DAB1: variants seen among roughly 807,000 people sequenced by gnomAD.
The protein encoded by DAB1 is DAB adaptor protein 1.
A neutral mutation model predicts 64.6 loss-of-function variants in DAB1; 15 were observed. The observed-to-expected ratio is 0.23, with a 90% CI of 0.16 to 0.36. The LOEUF is 0.36. Among genes scored for constraint, DAB1 ranks in the 10% least tolerant of loss-of-function variants. The pLI, the probability that DAB1 is intolerant of heterozygous loss-of-function variation, is 1.00. For synonymous variants in DAB1, 235 were observed against 251.9 expected, an observed-to-expected ratio of 0.93 and a Z score of 0.64; for missense variants, 596 against 706.7, an observed-to-expected ratio of 0.84 and a Z score of 1.78.
chr1:57,085,216 C>G (rs1006436661), intron 4 of DAB1, among the ~76,000 whole-genome samples: 4 of 152,200 alleles, frequency 2.6e-5, no homozygotes, highest in Non-Finnish European at 5.9e-5. Context: ...GATGGCCAGT[C>G]TGATGCCAAG....
At chr1:58,228,907 G>A (rs1159938008) in intron 4 of DAB1, 9 of 522,102 alleles carry the variant, frequency 1.7e-5, no homozygotes, top group African/African-American at 1.6e-4. Flanking sequence ...AACAGCTGTA[G>A]TGTGTAGAAA....
At chr1:57,028,644 A>G (rs1213363594) in intron 9 of DAB1, among the ~76,000 whole-genome samples, 1 of 152,220 alleles carries the variant, frequency 6.6e-6, no homozygotes, top group Non-Finnish European at 1.5e-5. Context: ...AATAAAATTC[A>G]GGCTGAGGTG....
chr1:57,681,938 A>G (rs888058044), intron 6 of DAB1, among the ~76,000 whole-genome samples: 4 of 152,102 alleles, frequency 2.6e-5, no homozygotes, highest in Non-Finnish European at 5.9e-5. Flanking sequence ...CTGCCCCAGT[A>G]AAGTCCCTGC....
intron 7 of DAB1, among the ~76,000 whole-genome samples, chr1:57,630,268 G>A (rs1159771029): frequency 6.6e-6 from 1 of 152,138 alleles, no homozygotes; most frequent in Non-Finnish European, 1.5e-5. Context: ...CAGCTGGAAG[G>A]AGATCTTGAG....
chr1:58,538,657 G>C, intron 1 of DAB1: 1 of 499,326 alleles, frequency 2.0e-6, no homozygotes, highest in Non-Finnish European at 3.5e-6. Flanking sequence ...AATGGGGGGA[G>C]ACAGGGGATC....
chr1:57,331,774 C>T (rs2100799002), intron 1 of DAB1, among the ~76,000 whole-genome samples: 1 of 152,298 alleles, frequency 6.6e-6, no homozygotes, highest in Non-Finnish European at 1.5e-5. Flanking sequence ...TTGTCTCTTG[C>T]ACTTCCTTTT....
intron 5 of DAB1, among the ~76,000 whole-genome samples, chr1:58,012,105 A>G (rs1454817185): frequency 6.6e-6 from 1 of 152,230 alleles, no homozygotes; most frequent in African/African-American, 2.4e-5. Flanking sequence ...GATGAGTCAC[A>G]AACTGTTTGT....
At chr1:57,984,391 C>A (rs562811020) in intron 5 of DAB1, among the ~76,000 whole-genome samples, 32 of 152,206 alleles carry the variant, frequency 2.1e-4, no homozygotes, top group African/African-American at 7.7e-4. Flanking sequence ...AAAACTCACT[C>A]CTTTCTTCAC....
At chr1:58,537,662 A>C (rs1569976204) in intron 1 of DAB1, among the ~76,000 whole-genome samples, 1 of 152,332 alleles carries the variant, frequency 6.6e-6, no homozygotes, top group East Asian at 1.9e-4. Context: ...CCATATATAC[A>C]TCATTCTCTT....
chr1:57,342,040 A>G (rs947061579), intron 1 of DAB1, among the ~76,000 whole-genome samples: 2 of 152,224 alleles, frequency 1.3e-5, no homozygotes, highest in Admixed American at 6.5e-5. Flanking sequence ...GATAGGTACT[A>G]TTATTATGCC....
At chr1:58,063,148 G>T (rs6657936) in intron 5 of DAB1, among the ~76,000 whole-genome samples, 22,336 of 152,054 alleles carry the variant, frequency 0.15, 1,824 homozygotes, top group East Asian at 0.31. Flanking sequence ...GCACCAAAAG[G>T]CTTGTTTTAG....
intron 2 of DAB1, among the ~76,000 whole-genome samples, chr1:57,193,404 T>TTTTTTTTTG (rs3042177): frequency 6.9e-6 from 1 of 144,768 alleles, no homozygotes; most frequent in Non-Finnish European, 1.5e-5. Flanking sequence ...TTTTTTTTTT[T>TTTTTTTTTG]GAGACAGAGT....
intron 1 of DAB1, chr1:58,539,333 A>C: frequency 3.8e-6 from 3 of 780,530 alleles, no homozygotes; most frequent in South Asian, 1.6e-5. Context: ...AAAAACTATA[A>C]ATATCTGTGG....
chr1:58,095,273 T>C (rs1650912628), intron 5 of DAB1, among the ~76,000 whole-genome samples: 1 of 152,190 alleles, frequency 6.6e-6, no homozygotes, highest in Non-Finnish European at 1.5e-5. Flanking sequence ...GAAACTCTAA[T>C]TTTAGTATTT....
intron 6 of DAB1, 197 bp downstream of exon 6, chr1:57,071,325 T>G: frequency 1.4e-6 from 1 of 702,176 alleles, no homozygotes; most frequent in South Asian, 2.0e-5. Flanking sequence ...AGATTTCACT[T>G]CATCTAACAT....
chr1:58,483,018 T>C (rs1397708190), intron 3 of DAB1, among the ~76,000 whole-genome samples: 1 of 152,206 alleles, frequency 6.6e-6, no homozygotes, highest in Non-Finnish European at 1.5e-5. Context: ...ACACTACTAC[T>C]TAAAATCTGT....
At chr1:57,219,014 A>C (rs575713746) in intron 2 of DAB1, among the ~76,000 whole-genome samples, 1 of 152,288 alleles carries the variant, frequency 6.6e-6, no homozygotes, top group South Asian at 2.1e-4. Context: ...ATCTGTAAAT[A>C]ATCTAAGCAA....
At chr1:58,334,299 G>A (rs1340045562) in intron 4 of DAB1, among the ~76,000 whole-genome samples, 1 of 152,040 alleles carries the variant, frequency 6.6e-6, no homozygotes, top group Non-Finnish European at 1.5e-5. Context: ...AAATATATAT[G>A]TATATATATG....
intron 4 of DAB1, among the ~76,000 whole-genome samples, chr1:58,153,819 GC>G (rs1319612959): frequency 6.7e-6 from 1 of 149,184 alleles, no homozygotes; most frequent in African/African-American, 2.5e-5. Context: ...ACAGCACACA[GC>G]TTCTCCTGAA....
Sources: allele counts gnomAD v4.1 joint callset (sites outside exome capture counted in the v4.1 genomes callset), GRCh38; gene constraint gnomAD v4.1.1; transcripts MANE v1.5; gene names NCBI Gene and HGNC (gene_info 2026-07-23, HGNC 2026-07-21).